The following LEMD1 variants were observed in gnomAD, a reference collection of about 807,000 sequenced individuals.
LEMD1 encodes LEM domain containing 1.
In LEMD1, 18 loss-of-function variants were observed where a neutral mutation model predicts 17.4. The observed-to-expected ratio is 1.04, with a 90% CI of 0.72 to 1.54. The LOEUF is 1.54. Among genes scored for constraint, LEMD1 ranks in the 40% most tolerant of loss-of-function variants. LEMD1 has a pLI of 0.00. For synonymous variants in LEMD1, 88 were observed against 77.8 expected (o/e 1.13, Z -0.69); for missense variants, 195 against 210.4 (o/e 0.93, Z 0.45).
chr1:205,395,378 T>C (rs1451845948), intron 4 of LEMD1, among the ~76,000 whole-genome samples: 2 of 152,180 alleles, frequency 1.3e-5, no homozygotes, highest in South Asian at 2.1e-4. Flanking sequence ...GCGGATCATC[T>C]GAGGTTGGGA....
At chr1:205,406,323 G>A (rs1665101406) in intron 4 of LEMD1, among the ~76,000 whole-genome samples, 1 of 152,262 alleles carries the variant, frequency 6.6e-6, no homozygotes, top group South Asian at 2.1e-4. Context: ...AGCCTACAGA[G>A]GCAGGCAGGC....
At chr1:205,403,348 G>A (rs1371989029) in intron 4 of LEMD1, among the ~76,000 whole-genome samples, 2 of 152,050 alleles carry the variant, frequency 1.3e-5, no homozygotes, top group Admixed American at 6.6e-5. Flanking sequence ...TTTTTGGTTG[G>A]TAAGCTATTG....
intron 4 of LEMD1, among the ~76,000 whole-genome samples, chr1:205,404,083 C>A (rs1311606776): frequency 6.6e-6 from 1 of 152,106 alleles, no homozygotes; most frequent in East Asian, 1.9e-4. Context: ...GTTATAATTT[C>A]TGTTCTTTTA....
intron 3 of LEMD1, 115 bp downstream of exon 3, chr1:205,419,115 C>T (rs1183440974): frequency 8.3e-7 from 1 of 1,203,904 alleles, no homozygotes; most frequent in Non-Finnish European, 1.2e-6. Flanking sequence ...TGCAAAGAGG[C>T]CCTATGGCTA....
intron 5 of LEMD1, 149 bp from the exon 6 acceptor site, chr1:205,382,005 C>G (rs1250087501): frequency 1.5e-6 from 1 of 667,216 alleles, no homozygotes; most frequent in African/African-American, 1.8e-5. Context: ...AGGCTAATTT[C>G]TTTTTTTTTC....
chr1:205,383,856 G>A (rs1405977495), intron 5 of LEMD1, among the ~76,000 whole-genome samples: 8 of 150,528 alleles, frequency 5.3e-5, no homozygotes, highest in Non-Finnish European at 7.4e-5. Flanking sequence ...GACTGGTCTC[G>A]AACTCCTGAC....
intron 4 of LEMD1, among the ~76,000 whole-genome samples, chr1:205,390,470 G>C (rs1664282015): frequency 6.6e-6 from 1 of 151,910 alleles, no homozygotes; most frequent in South Asian, 2.1e-4. Flanking sequence ...TAAAATATTA[G>C]AAGTATTTCC....
In LEMD1 at chr1:205,382,966, T is replaced by G. The variant is rs150878622; in HGVS notation, c.348-1110A>C. Reference sequence around the variant, plus strand: ...AAGTTAGGAAACTCTCCAGAAAGCTTTACTTTCTGACTAATACAATTGCCT... The same window carrying G: ...AAGTTAGGAAACTCTCCAGAAAGCTGTACTTTCTGACTAATACAATTGCCT... On this transcript the variant is annotated intron_variant, in intron 5 of 5. Coordinates refer to ENST00000367153, the MANE Select transcript of LEMD1 (RefSeq NM_001199050.2). 3.3e-3 allele frequency among the ~76,000 whole-genome samples: 505 copies of G among 152,346 alleles called. 2 individuals carry two copies. Among genetic ancestry groups the G allele is most frequent in the Non-Finnish European group, 5.1e-3 (350 of 68,030 alleles).
chr1:205,437,673 C>T (rs1056073817), intron 1 of LEMD1: 1 of 152,240 alleles, frequency 6.6e-6, no homozygotes, highest in Non-Finnish European at 1.5e-5. Flanking sequence ...AACCCTATGC[C>T]CCACTGAGGC....
At chr1:205,405,941 G>A (rs1449365664) in intron 4 of LEMD1, among the ~76,000 whole-genome samples, 3 of 152,186 alleles carry the variant, frequency 2.0e-5, no homozygotes, top group Non-Finnish European at 2.9e-5. Context: ...CTCAGCTGCA[G>A]GTCTGTTGGA....
rs1666440950 is a variant in LEMD1 at position 205,448,445 on chromosome 1, C to T, written c.-39+1423G>A. ...CTCATAGGGAAGCGAGAAGCTGGGG[C>T]ACCCGAGAAGCCCTCACTCCCCTTC... On this transcript the variant is annotated intron_variant, in intron 1 of 3. Coordinates refer to the LEMD1 transcript ENST00000367154. This position sits in a 1 kb window ranked among gnomAD's most constrained non-coding sequence, Gnocchi z 4.7. 1.9e-6 allele frequency: 1 copy of T among 530,484 alleles called. No homozygotes were observed. Among genetic ancestry groups the T allele is most frequent in the African/African-American group, 1.9e-5 (1 of 51,826 alleles). The allele number at this position is 530,484 out of a possible 1,614,324, so 32.9% of individuals were successfully genotyped here.
chr1:205,419,389 G>GT (rs760505453), intron 2 of LEMD1, 37 bp from the exon 3 acceptor site: 8 of 1,612,218 alleles, frequency 5.0e-6, no homozygotes, highest in Non-Finnish European at 6.8e-6. Flanking sequence ...AAATTGTTCT[G>GT]TTTTTTGTAT....
chr1:205,447,890 T>C, intron 1 of LEMD1, among the ~76,000 whole-genome samples: 1 of 152,222 alleles, frequency 6.6e-6, no homozygotes, highest in South Asian at 2.1e-4. Flanking sequence ...GATTCCAAGC[T>C]GACCTCAGAG....
chr1:205,418,806 C>T (rs6695325), intron 3 of LEMD1, among the ~76,000 whole-genome samples: 27,308 of 152,186 alleles, frequency 0.18, 2,972 homozygotes, highest in Non-Finnish European at 0.24. Context: ...AGGTGGGAGC[C>T]ATCAGTGTGG....
At chr1:205,386,955 T>A (rs906326609) in intron 4 of LEMD1, 2 of 152,228 alleles carry the variant, frequency 1.3e-5, no homozygotes, top group African/African-American at 4.8e-5. Flanking sequence ...GACAACAGTA[T>A]CATGAACCTC....
intron 4 of LEMD1, among the ~76,000 whole-genome samples, chr1:205,402,094 T>C (rs1442748211): frequency 1.3e-5 from 2 of 152,214 alleles, no homozygotes; most frequent in Non-Finnish European, 2.9e-5. Context: ...CATGCTGTTT[T>C]GGTTACTGTA....
At chr1:205,421,505 T>C (rs140609692) in intron 1 of LEMD1, among the ~76,000 whole-genome samples, 3 of 152,342 alleles carry the variant, frequency 2.0e-5, no homozygotes, top group East Asian at 1.9e-4. Context: ...GATCAATCAA[T>C]GTCCAATTAG....
At chr1:205,437,968 C>T (rs1425658046) in intron 1 of LEMD1, 1 of 152,050 alleles carries the variant, frequency 6.6e-6, no homozygotes, top group African/African-American at 2.4e-5. Context: ...TTTCTATGAA[C>T]CCATATGCTA....
chr1:205,382,341 G>A (rs1056679288), intron 5 of LEMD1, among the ~76,000 whole-genome samples: 7 of 151,814 alleles, frequency 4.6e-5, no homozygotes, highest in South Asian at 2.1e-4. Context: ...CAGTTGAGCC[G>A]AGGAGTTTGA....
Sources: gnomAD v4.1 joint callset for allele counts (sites outside exome capture counted in the v4.1 genomes callset) on GRCh38, gnomAD v4.1.1 for gene constraint, Gnocchi (gnomAD v3.1) non-coding constraint, MANE v1.5 for transcripts, NCBI Gene and HGNC (gene_info 2026-07-23, HGNC 2026-07-21) for gene names.